The following PGAP1 variants were observed in gnomAD, a reference collection of about 807,000 sequenced individuals.
PGAP1 encodes the protein GPI inositol-deacylase.
PGAP1 carries 76 observed loss-of-function variants against 127.0 expected under a neutral mutation model. The ratio of observed to expected loss-of-function variants is 0.60; its 90% CI spans 0.50 to 0.72. The LOEUF is 0.72. Among genes scored for constraint, PGAP1 ranks in the 30% least tolerant of loss-of-function variants. The probability of loss-of-function intolerance (pLI) is 0.00; values close to 1 mark genes in which losing one functional copy is unlikely to be tolerated. For missense variants in PGAP1, 982 were observed against 1,071.3 expected (o/e 0.92, Z 1.16); for synonymous variants, 362 against 366.5 (o/e 0.99, Z 0.14).
chr2:196,891,312 T>C (rs1702093253), intron 9 of PGAP1, among the ~76,000 whole-genome samples: 1 of 152,116 alleles, frequency 6.6e-6, no homozygotes, highest in South Asian at 2.1e-4. Context: ...AATAGTTCCT[T>C]AAAGAAATAG....
intron 19 of PGAP1, among the ~76,000 whole-genome samples, chr2:196,867,599 A>G (rs571438579): frequency 1.3e-5 from 2 of 152,320 alleles, no homozygotes; most frequent in Non-Finnish European, 2.9e-5. Flanking sequence ...CGTTCTGCAC[A>G]TGTACCCCAG....
At position 196,835,376 on chromosome 2, in the gene PGAP1, TA is replaced by T. The variant is rs1700211890; in HGVS notation, c.*5857del. 6.6e-6 allele frequency: 1 copy of T among 151,970 alleles called. No homozygotes were observed. Among genetic ancestry groups the T allele is most frequent in the South Asian group, 2.1e-4 (1 of 4,828 alleles). 9.4% of individuals were successfully genotyped at this position (151,970 alleles called of 1,614,324 possible). A position where few individuals can be genotyped will look rare whatever the true frequency, so the allele number is the denominator to read the frequency against. ...AACTACATAAATGAGACACCTGTAC[TA>T]AAATGGCTTGTACAACAATGTACAT... On this transcript the variant is annotated 3_prime_UTR_variant, in exon 27 of 27. Transcript: ENST00000354764.
chr2:196,871,410 T>C (rs1292863556), intron 18 of PGAP1, among the ~76,000 whole-genome samples: 1 of 152,136 alleles, frequency 6.6e-6, no homozygotes, highest in East Asian at 1.9e-4. Flanking sequence ...TAAATATTTT[T>C]AGGGAAGTTT....
intron 19 of PGAP1, among the ~76,000 whole-genome samples, chr2:196,867,714 G>A (rs1035274082): frequency 1.3e-5 from 2 of 152,016 alleles, no homozygotes; most frequent in Non-Finnish European, 2.9e-5. Context: ...AATTTTTTTA[G>A]AACATGTATA....
At chr2:196,902,504 G>T (rs1702530737) in intron 5 of PGAP1, 81 bp downstream of exon 5, 2 of 1,213,286 alleles carry the variant, frequency 1.6e-6, no homozygotes, top group South Asian at 1.5e-5. Flanking sequence ...TCATTACCAT[G>T]CAGCTATATA....
At chr2:196,890,110 T>C (rs1277977394) in intron 10 of PGAP1, among the ~76,000 whole-genome samples, 1 of 151,958 alleles carries the variant, frequency 6.6e-6, no homozygotes, top group Non-Finnish European at 1.5e-5. Context: ...GTTTTTTGTA[T>C]TTTTTGCAGA....
At chr2:196,874,359 A>G (rs73064951) in intron 14 of PGAP1, among the ~76,000 whole-genome samples, 15,537 of 152,114 alleles carry the variant, frequency 0.1, 959 homozygotes, top group African/African-American at 0.17. Context: ...TAAATAAATA[A>G]TGGGGGAGAA....
intron 4 of PGAP1, among the ~76,000 whole-genome samples, chr2:196,903,560 CAAAAAAAAAAAAA>C (rs11312715): frequency 2.5e-5 from 2 of 79,324 alleles, no homozygotes; most frequent in Non-Finnish European, 5.3e-5. Context: ...GACTCTGTCT[CAAAAAAAAAAAAA>C]AAAAAAAAGA....
chr2:196,912,609 T>TAAAAAAAAAAAAAAAAAAAA (rs1702866782), intron 4 of PGAP1, among the ~76,000 whole-genome samples: 2 of 92,298 alleles, frequency 2.2e-5, no homozygotes, highest in African/African-American at 8.2e-5. Flanking sequence ...AAAAAAAAAC[T>TAAAAAAAAAAAAAAAAAAAA]AAACGGAAGC....
chr2:196,905,573 A>C (rs537866740), intron 4 of PGAP1, among the ~76,000 whole-genome samples: 39 of 152,260 alleles, frequency 2.6e-4, no homozygotes, highest in African/African-American at 8.2e-4. Context: ...TTTCATCAAA[A>C]TTAAGATAAT....
chr2:196,920,117 A>G lies in PGAP1; in HGVS notation c.181T>C (p.Tyr61His). 1 of 1,610,026 alleles carries G rather than the reference A, an allele frequency of 6.2e-7. No individual in the cohort carries two copies. Among genetic ancestry groups the G allele is most frequent in the Non-Finnish European group, 8.5e-7 (1 of 1,178,520 alleles). ...IELPKKLAKR[Y>H]PAYELYLYGE... is the part of the protein sequence containing the mutation. ...TAAAGATACAACTCATATGCGGGAT[A>G]GCGTTTTGCCAGTTTCTTTGGAAGT... is the stretch of plus-strand genomic sequence containing the variant. The change falls in exon 2 of 27, where the codon TAT (tyrosine) becomes CAT (histidine). Residue 61 changes from tyrosine to histidine, a missense_variant. Transcript: ENST00000354764.
At chr2:196,896,571 T>G (rs1702278495) in intron 7 of PGAP1, among the ~76,000 whole-genome samples, 1 of 151,662 alleles carries the variant, frequency 6.6e-6, no homozygotes, top group Admixed American at 6.6e-5. Context: ...GAAGGCCGGG[T>G]GTAGTAGTTC....
intron 9 of PGAP1, 49 bp from the exon 10 acceptor site, chr2:196,890,960 T>C (rs1286144801): frequency 1.1e-6 from 1 of 948,874 alleles, no homozygotes; most frequent in Non-Finnish European, 1.7e-6. Context: ...AGCAGATTAG[T>C]TTCATCATTC....
rs1012485489 is a variant in PGAP1, at chr2:196,836,171, T to G, written c.*5063A>C. ...GAGTACAGACAGATTCTGACTCATA[T>G]ATCAAGTCCTATACAAAGTCTTCAG... is the stretch of plus-strand genomic sequence containing the variant. On this transcript the variant is annotated 3_prime_UTR_variant, in exon 27 of 27. Coordinates refer to ENST00000354764, the MANE Select transcript of PGAP1 (RefSeq NM_024989.4). 2 of 152,552 alleles carry G rather than the reference T, an allele frequency of 1.3e-5. No homozygotes were observed. The highest frequency in any genetic ancestry group is 1.5e-5 in the Non-Finnish European group (1 of 67,964). 9.4% of individuals were successfully genotyped at this position (152,552 alleles called of 1,614,324 possible). A position where few individuals can be genotyped will look rare whatever the true frequency, so the allele number is the denominator to read the frequency against.
chr2:196,883,865 C>G (rs1168734929), intron 12 of PGAP1, among the ~76,000 whole-genome samples: 1 of 152,130 alleles, frequency 6.6e-6, no homozygotes, highest in Non-Finnish European at 1.5e-5. Flanking sequence ...AAAGATCTAT[C>G]CTCCTAAGCT....
intron 4 of PGAP1, 60 bp from the exon 5 acceptor site, chr2:196,902,802 T>C: frequency 1.6e-6 from 2 of 1,272,650 alleles, no homozygotes; most frequent in Non-Finnish European, 2.2e-6. Flanking sequence ...AACAATAAGA[T>C]ATCTATACAG....
chr2:196,889,432 CT>C (rs1702024510), intron 10 of PGAP1, among the ~76,000 whole-genome samples: 1 of 151,140 alleles, frequency 6.6e-6, no homozygotes, highest in Non-Finnish European at 1.5e-5. Context: ...AGTAATAGAT[CT>C]TGGTTCTAAA....
chr2:196,887,350 C>T (rs1025945432), intron 10 of PGAP1, among the ~76,000 whole-genome samples: 2 of 152,116 alleles, frequency 1.3e-5, no homozygotes, highest in Non-Finnish European at 2.9e-5. Context: ...CGCCACTGCA[C>T]TCCAGCCTGG....
At chr2:196,884,429 A>T (rs384905) in intron 12 of PGAP1, among the ~76,000 whole-genome samples, 14,686 of 152,234 alleles carry the variant, frequency 0.096, 740 homozygotes, top group South Asian at 0.13. Context: ...ACACAAGGTC[A>T]CATGAATGAA....
Sources: gnomAD v4.1 joint callset for allele counts (sites outside exome capture counted in the v4.1 genomes callset) on GRCh38, gnomAD v4.1.1 for gene constraint, MANE v1.5 for transcripts, NCBI Gene and HGNC (gene_info 2026-07-23, HGNC 2026-07-21) for gene names.